The following USP50 variants were observed in gnomAD, a reference collection of about 807,000 sequenced individuals.
USP50 encodes the protein ubiquitin carboxyl-terminal hydrolase 50.
USP50 carries 37 observed loss-of-function variants against 39.2 expected under a neutral mutation model. The ratio of observed to expected loss-of-function variants is 0.94; its 90% CI spans 0.73 to 1.24. The LOEUF is 1.24. USP50 is among the 50% of genes most tolerant of loss of function. The probability of loss-of-function intolerance (pLI) is 0.00; values close to 1 mark genes in which losing one functional copy is unlikely to be tolerated. For missense variants in USP50, 374 were observed against 398.2 expected, an observed-to-expected ratio of 0.94 and a Z score of 0.52; for synonymous variants, 139 against 144.5, an observed-to-expected ratio of 0.96 and a Z score of 0.27.
At chr15:50,493,992 G>A, downstream of USP50, 1 of 1,479,252 alleles carries the variant, frequency 6.8e-7, no homozygotes, top group Non-Finnish European at 9.4e-7. Flanking sequence ...ATTTCATGTT[G>A]ACATCAAGAA....
At chr15:50,496,862 G>A, downstream of USP50, 1 of 404,452 alleles carries the variant, frequency 2.5e-6, no homozygotes, top group Non-Finnish European at 4.3e-6. Flanking sequence ...GGGCTTTCCT[G>A]TGTCCTGTCA....
chr15:50,499,147 A>C, downstream of USP50: 3 of 1,487,970 alleles, frequency 2.0e-6, no homozygotes, highest in East Asian at 6.8e-5. Flanking sequence ...AACTCTTGAA[A>C]TGCTTATCAG....
At chr15:50,496,266 G>A (rs1391560053), downstream of USP50, among the ~76,000 whole-genome samples, 1 of 152,072 alleles carries the variant, frequency 6.6e-6, no homozygotes, top group African/African-American at 2.4e-5. Flanking sequence ...CGGATCACGA[G>A]GTCAGGAGAT....
intron 3 of USP50, among the ~76,000 whole-genome samples, chr15:50,541,782 G>A (rs1383098074): frequency 6.6e-6 from 1 of 152,114 alleles, no homozygotes; most frequent in East Asian, 1.9e-4. Flanking sequence ...AAGGGGGTAA[G>A]TAAGCTAAAT....
chr15:50,506,268 G>C (rs1358267770), intron 6 of USP50: 1 of 152,316 alleles, frequency 6.6e-6, no homozygotes, highest in Admixed American at 6.6e-5. Flanking sequence ...TGCACAGCAG[G>C]AAGCGAGCGG....
rs185030509 is a variant in USP50, at chr15:50,546,660, G to A, written c.-135C>T. 2.2e-4 allele frequency: 200 copies of A among 906,272 alleles called. No homozygotes were observed. The highest frequency in any genetic ancestry group is 4.1e-4 in the Admixed American group (19 of 46,348). The allele number at this position is 906,272 out of a possible 1,614,324, so 56.1% of individuals were successfully genotyped here. ...TATGCTCCTCTCTCTTCCAGTAGCT[G>A]CGAACTGATTTTCACCTGTATCAGG... On this transcript the variant is annotated 5_prime_UTR_variant, in exon 1 of 7. Coordinates refer to ENST00000532404, the MANE Select transcript of USP50 (RefSeq NM_203494.5).
chr15:50,511,997 AAAAAT>A (rs1211018690), intron 6 of USP50: 2 of 152,204 alleles, frequency 1.3e-5, no homozygotes, highest in African/African-American at 2.4e-5. Context: ...TATTGTCTCA[AAAAAT>A]AAAATAAATA....
chr15:50,530,977 G>T (rs1441424163), intron 5 of USP50, among the ~76,000 whole-genome samples: 1 of 151,742 alleles, frequency 6.6e-6, no homozygotes. Context: ...AGAACATTTT[G>T]TGAAAATCTT....
chr15:50,505,713 C>T (rs2052649082), intron 6 of USP50: 1 of 152,358 alleles, frequency 6.6e-6, no homozygotes, highest in African/African-American at 2.4e-5. Flanking sequence ...AATCCCAGCA[C>T]TTTGGAAGGC....
downstream of USP50, chr15:50,499,591 T>C (rs948762686): frequency 8.3e-6 from 1 of 120,112 alleles, no homozygotes; most frequent in Non-Finnish European, 1.7e-5. Context: ...CTTTTTTTCT[T>C]TCAGCCTATT....
intron 6 of USP50, among the ~76,000 whole-genome samples, chr15:50,523,028 A>T (rs943014978): frequency 1.3e-4 from 20 of 152,280 alleles, no homozygotes; most frequent in South Asian, 4.1e-4. Context: ...AGGCACGCCA[A>T]TAGGAAAAGA....
rs542727426 is a variant in USP50 at position 50,501,926 on chromosome 15, GGAACAC to G, written c.937-1095_937-1090del. Reference sequence around the variant, plus strand: ...ATGTCAATGTCCTTAAAGTTTTATGGGAACACAGTCATGCTCATTTGTTTACACTTT... The same window carrying G: ...ATGTCAATGTCCTTAAAGTTTTATGGAGTCATGCTCATTTGTTTACACTTT... On this transcript the variant is annotated intron_variant, in intron 6 of 6. Transcript: ENST00000532404. 5.3e-5 allele frequency: 8 copies of G among 152,170 alleles called. No individual in the cohort carries two copies. The East Asian group carries it at 1.5e-3, about 29-fold the overall frequency. 9.4% of individuals were successfully genotyped at this position (152,170 alleles called of 1,614,324 possible).
chr15:50,499,204 G>T, downstream of USP50: 1 of 1,019,810 alleles, frequency 9.8e-7, no homozygotes, highest in Admixed American at 3.0e-5. Flanking sequence ...CTAGGACAGT[G>T]GGAGCTGTGT....
intron 6 of USP50, among the ~76,000 whole-genome samples, chr15:50,526,372 C>A (rs2052898672): frequency 6.6e-6 from 1 of 152,094 alleles, no homozygotes; most frequent in Non-Finnish European, 1.5e-5. Flanking sequence ...TATTTTATTT[C>A]TTTACCTAGG....
Position 50,538,701 on chromosome 15 carries a change from A to C in USP50, c.803+8T>G, listed in dbSNP as rs1309836982. The C allele has an allele frequency of 1.9e-6, 3 of 1,561,314 alleles. No homozygotes were observed. The highest frequency in any genetic ancestry group is 2.6e-6 in the Non-Finnish European group (3 of 1,153,624). ...AATATGTGCCCACAAAAATGTAAAA[A>C]TCCATACCTTTTTAGGTGGAAAATA... On this transcript the variant is annotated splice_region_variant and intron_variant, in intron 5 of 6. Transcript: ENST00000532404.
intron 1 of USP50, among the ~76,000 whole-genome samples, chr15:50,545,047 G>C (rs2053061089): frequency 6.6e-6 from 1 of 152,012 alleles, no homozygotes; most frequent in Non-Finnish European, 1.5e-5. Flanking sequence ...AGACCAGCCA[G>C]GGTAACATAG....
chr15:50,500,552 A>G (rs2052564674), downstream of USP50: 1 of 480,572 alleles, frequency 2.1e-6, no homozygotes, highest in Admixed American at 3.3e-5. Context: ...AAAAATGTTA[A>G]TGATGCAAGT....
chr15:50,532,854 C>CT (rs1294392091), intron 5 of USP50, among the ~76,000 whole-genome samples: 1 of 151,734 alleles, frequency 6.6e-6, no homozygotes, highest in Non-Finnish European at 1.5e-5. Flanking sequence ...TGGTTAGTTT[C>CT]TTTTCTTTTC....
At chr15:50,497,006 A>G, downstream of USP50, 4 of 1,503,064 alleles carry the variant, frequency 2.7e-6, no homozygotes, top group East Asian at 2.3e-5. Flanking sequence ...TGGTGCCTGC[A>G]GAGTGACTAA....
Sources: allele counts gnomAD v4.1 joint callset (sites outside exome capture counted in the v4.1 genomes callset), GRCh38; gene constraint gnomAD v4.1.1; transcripts MANE v1.5; gene names NCBI Gene and HGNC (gene_info 2026-07-23, HGNC 2026-07-21).